PCGF3: variants seen among roughly 807,000 people sequenced by gnomAD.
The protein encoded by PCGF3 is polycomb group RING finger protein 3.
PCGF3 carries 7 observed loss-of-function variants against 33.1 expected under a neutral mutation model. The observed-to-expected ratio is 0.21, with a 90% confidence interval of 0.12 to 0.40. The LOEUF is 0.40. PCGF3 is among the 10% of genes least tolerant of loss of function. The pLI, the probability that PCGF3 is intolerant of heterozygous loss-of-function variation, is 1.00. For synonymous variants in PCGF3, 153 were observed against 121.3 expected, an observed-to-expected ratio of 1.26 and a Z score of -1.72; for missense variants, 211 against 313.3, an observed-to-expected ratio of 0.67 and a Z score of 2.46.
intron 6 of PCGF3, among the ~76,000 whole-genome samples, chr4:742,732 G>A (rs895912180): frequency 3.3e-5 from 5 of 152,230 alleles, no homozygotes; most frequent in African/African-American, 7.2e-5. Context: ...TGTGGGTGAG[G>A]ATGCTGCGGC....
At chr4:718,730 C>T (rs1272674682) in intron 1 of PCGF3, among the ~76,000 whole-genome samples, 1 of 152,094 alleles carries the variant, frequency 6.6e-6, no homozygotes, top group African/African-American at 2.4e-5. Flanking sequence ...GCTGGGGGCT[C>T]GATGTCACAG....
rs552763472 is a variant in PCGF3 at position 711,269 on chromosome 4, G to A, written c.-190+5299G>A. On this transcript the variant is annotated intron_variant, in intron 1 of 10. Transcript: ENST00000362003. ...GCAAAATCGAGGAGCTGCAGGGTGC[G>A]GCAGGGGCCCTTTGCCGTGGGCTAG... Among the ~76,000 whole-genome samples, 538 of 152,308 alleles carry A rather than the reference G, an allele frequency of 3.5e-3. 1 individual carries two copies. Among genetic ancestry groups the A allele is most frequent in the African/African-American group, 5.3e-3 (220 of 41,564 alleles).
At chr4:750,768 G>A (rs752875983) in intron 8 of PCGF3, among the ~76,000 whole-genome samples, 3 of 152,058 alleles carry the variant, frequency 2.0e-5, no homozygotes, top group Non-Finnish European at 4.4e-5. Context: ...CTTAGGAGCC[G>A]TGCTGCTGGC....
At chr4:715,934 C>G (rs1742811147) in intron 1 of PCGF3, among the ~76,000 whole-genome samples, 1 of 130,206 alleles carries the variant, frequency 7.7e-6, no homozygotes, top group Non-Finnish European at 1.7e-5. Context: ...ACCCTGTAGA[C>G]ACTGAGGGTG....
At chr4:764,774 T>C in intron 9 of PCGF3, 1 of 536,574 alleles carries the variant, frequency 1.9e-6, no homozygotes, top group Non-Finnish European at 3.4e-6. Flanking sequence ...GCACTGGATT[T>C]CCGTTCAGCT....
At chr4:714,546 GAATGT>G (rs1742721840) in intron 1 of PCGF3, among the ~76,000 whole-genome samples, 4 of 152,196 alleles carry the variant, frequency 2.6e-5, no homozygotes, top group Admixed American at 2.6e-4. Context: ...GCTGTCTTGA[GAATGT>G]CTCCATGTTT....
Position 766,026 on chromosome 4 carries a change from T to C in PCGF3, c.682-6T>C. ...AGCAGGCACTGTGCGTTCTTGTGTCTTCCAGAAGGCGCCGCTCCTGCTGCA... is the reference window on the plus strand; with the variant it reads ...AGCAGGCACTGTGCGTTCTTGTGTCCTCCAGAAGGCGCCGCTCCTGCTGCA... On this transcript the variant is annotated splice_region_variant and splice_polypyrimidine_tract_variant and intron_variant, in intron 10 of 10. Transcript: ENST00000362003. 6.2e-7 allele frequency: 1 copy of C among 1,613,972 alleles called. No individual in the cohort carries two copies. Among genetic ancestry groups the C allele is most frequent in the East Asian group, 2.2e-5 (1 of 44,884 alleles).
At chr4:760,211 C>A (rs181346915) in intron 8 of PCGF3, among the ~76,000 whole-genome samples, 4 of 152,298 alleles carry the variant, frequency 2.6e-5, no homozygotes, top group African/African-American at 7.2e-5. Flanking sequence ...TGAGGACTGC[C>A]CTTCACTGTT....
intron 10 of PCGF3, among the ~76,000 whole-genome samples, chr4:765,471 G>A (rs1319234171): frequency 6.6e-6 from 1 of 151,434 alleles, no homozygotes; most frequent in Non-Finnish European, 1.5e-5. Context: ...TACAGAAATT[G>A]TTGTGAAACA....
exon 8 of PCGF3, chr4:744,652 G>A (rs1448921830): frequency 6.4e-6 from 10 of 1,560,994 alleles, no homozygotes; most frequent in South Asian, 4.7e-5. Context: ...AGGAGAAGCC[G>A]GAGGAGGACA....
chr4:758,541 C>A lies in PCGF3; in HGVS notation c.463-2738C>A, dbSNP rs191430616. Among the ~76,000 whole-genome samples the A allele has an allele frequency of 2.9e-3, 377 of 132,188 alleles. 4 individuals are homozygous for A. Among genetic ancestry groups the A allele is most frequent in the African/African-American group, 0.011 (364 of 34,160 alleles). The allele number at this position is 132,188 out of a possible 152,430, so 86.7% of individuals were successfully genotyped here. A position where few individuals can be genotyped will look rare whatever the true frequency, so the allele number is the denominator to read the frequency against. ...CTTTCTCCCCACGCGGCCCCTCTCCCGAGTTCTCCCTCCAGACTCCGGGTC... is the reference window on the plus strand; with the variant it reads ...CTTTCTCCCCACGCGGCCCCTCTCCAGAGTTCTCCCTCCAGACTCCGGGTC... On this transcript the variant is annotated intron_variant, in intron 8 of 10. Coordinates refer to ENST00000362003, the Ensembl canonical transcript of PCGF3.
intron 1 of PCGF3, among the ~76,000 whole-genome samples, chr4:724,357 C>T (rs760815495): frequency 3.9e-5 from 6 of 152,202 alleles, no homozygotes; most frequent in Admixed American, 1.3e-4. Context: ...CCACCACAGC[C>T]GGCCGCACAG....
intron 6 of PCGF3, among the ~76,000 whole-genome samples, chr4:739,589 T>C (rs1425902223): frequency 6.6e-6 from 1 of 152,214 alleles, no homozygotes; most frequent in Non-Finnish European, 1.5e-5. Context: ...TGGGTTGTCC[T>C]GCGGCAGTGG....
At chr4:752,639 CGGG>C (rs1209372394) in intron 8 of PCGF3, among the ~76,000 whole-genome samples, 2 of 151,944 alleles carry the variant, frequency 1.3e-5, no homozygotes, top group African/African-American at 2.4e-5. Context: ...CGCTGGGACT[CGGG>C]GGTGGGGGGC....
At chr4:761,914 C>T (rs1033616908) in intron 9 of PCGF3, 1 of 985,284 alleles carries the variant, frequency 1.0e-6, no homozygotes, top group East Asian at 1.1e-4. Flanking sequence ...TCCAGCTTTG[C>T]ATGGAGACAG....
At chr4:714,793 C>G (rs936957949) in intron 1 of PCGF3, among the ~76,000 whole-genome samples, 2 of 152,256 alleles carry the variant, frequency 1.3e-5, no homozygotes, top group Admixed American at 1.3e-4. Context: ...CACTAGGTCA[C>G]GCAAACCTGG....
At chr4:758,526 A>G (rs71604319) in intron 8 of PCGF3, among the ~76,000 whole-genome samples, 912 of 82,786 alleles carry the variant, frequency 0.011, 38 homozygotes, top group African/African-American at 0.041. Flanking sequence ...CTTTCTCCCC[A>G]CGCGGCCCCT....
At chr4:708,546 G>A (rs1343241645) in intron 1 of PCGF3, among the ~76,000 whole-genome samples, 1 of 152,180 alleles carries the variant, frequency 6.6e-6, no homozygotes, top group Non-Finnish European at 1.5e-5. Context: ...CCTGGGGTAG[G>A]TATGAGGCAG....
At chr4:764,021 G>A (rs577349234) in intron 9 of PCGF3, among the ~76,000 whole-genome samples, 7 of 152,180 alleles carry the variant, frequency 4.6e-5, no homozygotes, top group Non-Finnish European at 8.8e-5. Context: ...AGAACCATCC[G>A]GAGGCTGCAG....
Sources: allele counts gnomAD v4.1 joint callset (sites outside exome capture counted in the v4.1 genomes callset), GRCh38; gene constraint gnomAD v4.1.1; transcripts MANE v1.5; gene names NCBI Gene and HGNC (gene_info 2026-07-23, HGNC 2026-07-21).